Variants in DIP2C observed in about 807,000 individuals in gnomAD.
DIP2C encodes DIP2 acetate--CoA ligase C (putative).
DIP2C carries 33 observed loss-of-function variants against 192.4 expected under a neutral mutation model. The ratio of observed to expected loss-of-function variants is 0.17; its 90% confidence interval spans 0.13 to 0.23. The LOEUF (loss-of-function observed/expected upper bound fraction) is 0.23. Among genes scored for constraint, DIP2C ranks in the 10% least tolerant of loss-of-function variants. The pLI is 1.00. For missense variants in DIP2C, 1,537 were observed against 2,110.1 expected, an observed-to-expected ratio of 0.73 and a Z score of 5.32; for synonymous variants, 979 against 864.1, an observed-to-expected ratio of 1.13 and a Z score of -2.33.
chr10:431,912 G>GA (rs1475439848), intron 4 of DIP2C, among the ~76,000 whole-genome samples: 1 of 152,190 alleles, frequency 6.6e-6, no homozygotes, highest in Non-Finnish European at 1.5e-5. Flanking sequence ...TCAAGTTGAG[G>GA]AAGGTGACCT....
intron 1 of DIP2C, among the ~76,000 whole-genome samples, chr10:570,606 C>T (rs1849732012): frequency 6.6e-6 from 1 of 152,310 alleles, no homozygotes; most frequent in Non-Finnish European, 1.5e-5. Flanking sequence ...CTCAAACCTC[C>T]CCTACCACCC....
chr10:610,799 G>A (rs1197973696), intron 1 of DIP2C, among the ~76,000 whole-genome samples: 2 of 150,312 alleles, frequency 1.3e-5, no homozygotes, highest in Non-Finnish European at 3.0e-5. Flanking sequence ...ACTGACTCAT[G>A]GGGGTGGTTT....
At chr10:505,618 A>G (rs1347914589) in intron 1 of DIP2C, among the ~76,000 whole-genome samples, 4 of 145,908 alleles carry the variant, frequency 2.7e-5, no homozygotes, top group Non-Finnish European at 6.0e-5. Flanking sequence ...CTGCCCAGCT[A>G]TATTCCCTCT....
Position 415,767 on chromosome 10 carries a change from A to G in DIP2C, c.859+2T>C, listed in dbSNP as rs747699946. On this transcript the variant is annotated splice_donor_variant, in intron 7 of 36. Coordinates refer to ENST00000280886, the MANE Select transcript of DIP2C (RefSeq NM_014974.3). LOFTEE classifies it high-confidence loss of function. ...GAAACGTGTGGTAAAGAGTTCTCTC[A>G]CCTTCTAATAATTCTTCAAAGTCAT... 1 of 1,613,852 alleles carries G rather than the reference A, an allele frequency of 6.2e-7. No homozygotes were observed. Among genetic ancestry groups the G allele is most frequent in the African/African-American group, 1.3e-5 (1 of 74,886 alleles).
chr10:367,063 C>T (rs927915272), intron 18 of DIP2C, among the ~76,000 whole-genome samples: 2 of 152,170 alleles, frequency 1.3e-5, no homozygotes, highest in Non-Finnish European at 2.9e-5. Context: ...CTAAAACAGC[C>T]GGCACCCGCT....
intron 17 of DIP2C, among the ~76,000 whole-genome samples, chr10:381,808 C>CT (rs1962399190): frequency 6.6e-6 from 1 of 152,204 alleles, no homozygotes; most frequent in Non-Finnish European, 1.5e-5. Context: ...AGGAATGGTC[C>CT]TTCTCTTCCC....
chr10:443,867 A>T (rs1370199868), intron 3 of DIP2C, among the ~76,000 whole-genome samples: 7 of 152,094 alleles, frequency 4.6e-5, no homozygotes. Flanking sequence ...ATTTACAATT[A>T]TTTTTTCATT....
intron 3 of DIP2C, among the ~76,000 whole-genome samples, chr10:448,116 T>C (rs1196805738): frequency 2.1e-3 from 153 of 72,230 alleles, no homozygotes; most frequent in African/African-American, 5.4e-3. Flanking sequence ...GACCCACTCA[T>C]CCCCATCTAT....
chr10:447,013 CTA>C (rs1968282746), intron 3 of DIP2C, among the ~76,000 whole-genome samples: 2 of 152,324 alleles, frequency 1.3e-5, no homozygotes, highest in South Asian at 4.1e-4. Context: ...GCTTCGGCAT[CTA>C]TATGTCAAGA....
intron 24 of DIP2C, among the ~76,000 whole-genome samples, chr10:350,034 G>T (rs191647596): frequency 0.018 from 2,714 of 152,268 alleles, 79 homozygotes; most frequent in African/African-American, 0.062. Context: ...CTTACACGAG[G>T]GTTGTGAGGG....
intron 1 of DIP2C, among the ~76,000 whole-genome samples, chr10:683,420 T>C (rs1454604925): frequency 2.0e-5 from 3 of 152,136 alleles, no homozygotes; most frequent in Non-Finnish European, 4.4e-5. Context: ...TTTGGCACAA[T>C]AGTCATAAAC....
At chr10:467,565 TAAAA>T (rs71376835) in intron 3 of DIP2C, among the ~76,000 whole-genome samples, 1 of 130,404 alleles carries the variant, frequency 7.7e-6, no homozygotes, top group East Asian at 2.2e-4. Context: ...TATTTAAGTG[TAAAA>T]AAAAAAAAAA....
intron 10 of DIP2C, among the ~76,000 whole-genome samples, chr10:396,804 G>A (rs1964016761): frequency 6.9e-6 from 1 of 144,398 alleles, no homozygotes; most frequent in African/African-American, 2.6e-5. Flanking sequence ...ATGCACACGT[G>A]GAGTGCTGGC....
intron 1 of DIP2C, among the ~76,000 whole-genome samples, chr10:658,181 A>G (rs1856516822): frequency 2.0e-5 from 3 of 148,226 alleles, no homozygotes; most frequent in Admixed American, 1.3e-4. Context: ...CTGTCCCTGG[A>G]CCTCACACTG....
chr10:557,701 C>T (rs1185044308), intron 1 of DIP2C, among the ~76,000 whole-genome samples: 7 of 26,464 alleles, frequency 2.6e-4, no homozygotes, highest in East Asian at 1.5e-3. Flanking sequence ...GGGGTGGGGG[C>T]GGGGGAGGGG....
chr10:472,630 T>A (rs1299639549), intron 2 of DIP2C, 81 bp from the exon 3 acceptor site: 59 of 1,257,268 alleles, frequency 4.7e-5, no homozygotes, highest in Non-Finnish European at 6.6e-5. Flanking sequence ...ATGCCCTCCA[T>A]CCCCACAGCA....
chr10:569,263 G>A (rs1415738886), intron 1 of DIP2C, among the ~76,000 whole-genome samples: 9 of 152,182 alleles, frequency 5.9e-5, no homozygotes, highest in Non-Finnish European at 1.3e-4. Flanking sequence ...GCTACAAAGT[G>A]TTTCTATAAA....
At chr10:472,739 C>A (rs930634925) in intron 2 of DIP2C, among the ~76,000 whole-genome samples, 190 bp from the exon 3 acceptor site, 1 of 152,152 alleles carries the variant, frequency 6.6e-6, no homozygotes, top group African/African-American at 2.4e-5. Context: ...GCCAGGGAGA[C>A]CCCTCCTGGC....
At chr10:632,257 G>A (rs144437219) in intron 1 of DIP2C, among the ~76,000 whole-genome samples, 150 of 152,390 alleles carry the variant, frequency 9.8e-4, no homozygotes, top group Admixed American at 1.9e-3. Flanking sequence ...ACAGGGAGGC[G>A]ATGAAATGAT....
Sources: gnomAD v4.1 joint callset for allele counts (sites outside exome capture counted in the v4.1 genomes callset) on GRCh38, gnomAD v4.1.1 for gene constraint, MANE v1.5 for transcripts, NCBI Gene and HGNC (gene_info 2026-07-23, HGNC 2026-07-21) for gene names.